The following MCC variants were observed in gnomAD, a reference collection of about 807,000 sequenced individuals.
The protein encoded by MCC is MCC regulator of Wnt signaling pathway, also known as colorectal mutant cancer protein.
MCC carries 90 observed loss-of-function variants against 116.2 expected under a neutral mutation model. The ratio of observed to expected loss-of-function variants is 0.77; its 90% CI spans 0.65 to 0.92. The LOEUF (loss-of-function observed/expected upper bound fraction) is 0.92. MCC is among the 40% of genes least tolerant of loss of function. The pLI, the probability that MCC is intolerant of heterozygous loss-of-function variation, is 0.00. For synonymous variants in MCC, 578 were observed against 510.5 expected, an observed-to-expected ratio of 1.13 and a Z score of -1.78; for missense variants, 1,516 against 1,312.2, an observed-to-expected ratio of 1.16 and a Z score of -2.40.
At chr5:113,200,941 T>C (rs1024508183) in intron 3 of MCC, among the ~76,000 whole-genome samples, 1 of 152,184 alleles carries the variant, frequency 6.6e-6, no homozygotes, top group Non-Finnish European at 1.5e-5. Flanking sequence ...ATGTAGTAGA[T>C]AAAGGGTTAA....
intron 3 of MCC, among the ~76,000 whole-genome samples, chr5:113,299,212 T>C (rs1766788648): frequency 6.9e-6 from 1 of 145,770 alleles, no homozygotes; most frequent in Non-Finnish European, 1.5e-5. Flanking sequence ...CGCTTGAACC[T>C]GGGAGGCGGA....
rs200787776 is a variant in MCC, at chr5:113,184,472, G to GTTTTTTTTT, written c.628-33051_628-33050insAAAAAAAAA. ...ACATAGCAATTTAGTTTCTTTCTTC[G>GTTTTTTTTT]TTTTTTGTTTTTTTTTTTTTTTTTT... On this transcript the variant is annotated intron_variant, in intron 3 of 18. Coordinates refer to ENST00000408903, the MANE Select transcript of MCC (RefSeq NM_001085377.2). Among the ~76,000 whole-genome samples the GTTTTTTTTT allele has an allele frequency of 1.2e-4, 15 of 123,796 alleles. 2 individuals are homozygous for GTTTTTTTTT. Among genetic ancestry groups the GTTTTTTTTT allele is most frequent in the Non-Finnish European group, 1.3e-4 (8 of 62,026 alleles). 81.2% of individuals were successfully genotyped at this position (123,796 alleles called of 152,430 possible). A position where few individuals can be genotyped will look rare whatever the true frequency, so the allele number is the denominator to read the frequency against.
chr5:113,137,050 T>C (rs976883286), intron 5 of MCC, among the ~76,000 whole-genome samples: 1 of 152,152 alleles, frequency 6.6e-6, no homozygotes, highest in African/African-American at 2.4e-5. Context: ...CACACTGCTA[T>C]AAAGAACTTC....
At chr5:113,358,857 A>G (rs971750198) in intron 2 of MCC, among the ~76,000 whole-genome samples, 1 of 152,158 alleles carries the variant, frequency 6.6e-6, no homozygotes, top group African/African-American at 2.4e-5. Context: ...ATTAATGTCA[A>G]TGCTTGGTAT....
At chr5:113,046,984 C>T (rs1752135259) in intron 16 of MCC, among the ~76,000 whole-genome samples, 3 of 152,152 alleles carry the variant, frequency 2.0e-5, no homozygotes, top group African/African-American at 7.2e-5. Context: ...CACAACCCTC[C>T]GGGCCATTAA....
Position 113,101,915 on chromosome 5 carries a change from G to C in MCC, c.1222C>G (p.Arg408Gly). The C allele has an allele frequency of 1.2e-6, 2 of 1,613,546 alleles. No individual in the cohort carries two copies. Among genetic ancestry groups the C allele is most frequent in the Non-Finnish European group, 1.7e-6 (2 of 1,179,972 alleles). ...TVEEIEGVLG[R>G]DLYPNLAEER... ...TCAGCCAGGTTGGGATACAGGTCCC[G>C]GCCAAGCACCCCCTCAATCTCCTCG... Residue 408 changes from arginine to glycine, a missense_variant, in exon 8 of 19, where the codon CGG becomes GGG. Arg to Gly is a moderately radical substitution (Grantham distance 125, BLOSUM62 -2). Transcript: ENST00000408903.
intron 1 of MCC, among the ~76,000 whole-genome samples, chr5:113,404,648 C>A (rs1769783253): frequency 6.6e-6 from 1 of 152,138 alleles, no homozygotes; most frequent in Admixed American, 6.5e-5. Context: ...TTATTCAATG[C>A]AGCACTATTT....
intron 8 of MCC, among the ~76,000 whole-genome samples, chr5:113,100,371 A>G (rs907101089): frequency 1.3e-5 from 2 of 152,110 alleles, no homozygotes; most frequent in African/African-American, 4.8e-5. Context: ...TCGTTGAAGC[A>G]TAGAAGAGCA....
chr5:113,207,994 C>T (rs1036042283), intron 3 of MCC, among the ~76,000 whole-genome samples: 12 of 152,024 alleles, frequency 7.9e-5, no homozygotes, highest in Admixed American at 7.2e-4. Flanking sequence ...CAGCTAAATG[C>T]TTACTCATAT....
At chr5:113,302,396 T>C (rs1766884867) in intron 3 of MCC, among the ~76,000 whole-genome samples, 1 of 152,166 alleles carries the variant, frequency 6.6e-6, no homozygotes, top group Non-Finnish European at 1.5e-5. Flanking sequence ...CAAAGACATA[T>C]CGACCAATGG....
In MCC at chr5:113,044,611, G is replaced by A. The variant is rs1285269625; in HGVS notation, c.2656-981C>T. 5 of 331,534 alleles carry A rather than the reference G, an allele frequency of 1.5e-5. No individual in the cohort carries two copies. The South Asian group carries it at 4.9e-4, about 32-fold the overall frequency. The allele number at this position is 331,534 out of a possible 1,614,324, so 20.5% of individuals were successfully genotyped here. The stretch of plus-strand genomic sequence containing the variant: ...TTTTTTGAGATGGAGTTTTGCTCTC[G>A]TTGCCCAGGCTGGAGTGCAATGGCG... On this transcript the variant is annotated intron_variant, in intron 16 of 18. Coordinates refer to ENST00000408903, the MANE Select transcript of MCC (RefSeq NM_001085377.2).
intron 1 of MCC, among the ~76,000 whole-genome samples, chr5:113,469,560 A>G (rs553255565): frequency 3.9e-5 from 6 of 152,166 alleles, no homozygotes; most frequent in Non-Finnish European, 8.8e-5. Context: ...GTTTGTTATA[A>G]TTTCTGTTCT....
At chr5:113,271,906 T>A (rs1156898022) in intron 3 of MCC, among the ~76,000 whole-genome samples, 3 of 152,226 alleles carry the variant, frequency 2.0e-5, no homozygotes, top group African/African-American at 7.2e-5. Context: ...AATAAATTCC[T>A]ATTAATAAAT....
At chr5:113,284,970 T>C (rs1362829722) in intron 3 of MCC, among the ~76,000 whole-genome samples, 1 of 152,228 alleles carries the variant, frequency 6.6e-6, no homozygotes, top group Non-Finnish European at 1.5e-5. Context: ...AACATCAGCA[T>C]CCATCAATAC....
intron 3 of MCC, among the ~76,000 whole-genome samples, chr5:113,159,856 A>C (rs926616601): frequency 6.6e-6 from 1 of 152,246 alleles, no homozygotes; most frequent in African/African-American, 2.4e-5. Flanking sequence ...CATAGTCTTG[A>C]AAGTTAAAAC....
At chr5:113,393,505 CT>C (rs1326096189) in intron 1 of MCC, among the ~76,000 whole-genome samples, 1 of 152,150 alleles carries the variant, frequency 6.6e-6, no homozygotes, top group African/African-American at 2.4e-5. Flanking sequence ...TAGAGAGCAT[CT>C]GGTTATTTTC....
intron 3 of MCC, among the ~76,000 whole-genome samples, chr5:113,179,621 G>T (rs1277943206): frequency 6.6e-6 from 1 of 152,186 alleles, no homozygotes; most frequent in Non-Finnish European, 1.5e-5. Flanking sequence ...AAATGCCAGT[G>T]TATCTTCTCA....
chr5:113,043,398 T>C (rs4277906), intron 17 of MCC, 132 bp downstream of exon 17: 810,988 of 836,260 alleles, frequency 0.97, 394,068 homozygotes, highest in East Asian at 1. Flanking sequence ...GCCTTCTCCA[T>C]TTCTGGCTTC....
intron 3 of MCC, among the ~76,000 whole-genome samples, chr5:113,151,909 GA>G (rs11421185): frequency 6.6e-6 from 1 of 151,992 alleles, no homozygotes; most frequent in African/African-American, 2.4e-5. Flanking sequence ...GCATTAAGGG[GA>G]AAAAAGCAGC....
Sources: gnomAD v4.1 joint callset for allele counts (sites outside exome capture counted in the v4.1 genomes callset) on GRCh38, gnomAD v4.1.1 for gene constraint, MANE v1.5 for transcripts, NCBI Gene and HGNC (gene_info 2026-07-23, HGNC 2026-07-21) for gene names.